PEX7: variants seen among roughly 807,000 people sequenced by gnomAD.
The protein encoded by PEX7 is peroxisomal biogenesis factor 7, also known as PTS2 receptor.
PEX7 carries 34 observed loss-of-function variants against 47.5 expected under a neutral mutation model. The ratio of observed to expected loss-of-function variants is 0.72; its 90% CI spans 0.54 to 0.95. The LOEUF is 0.95. PEX7 is among the 40% of genes least tolerant of loss of function. The pLI is 0.00. For missense variants in PEX7, 394 were observed against 400.3 expected, an observed-to-expected ratio of 0.98 and a Z score of 0.13; for synonymous variants, 141 against 148.8, an observed-to-expected ratio of 0.95 and a Z score of 0.38.
At chr6:136,852,995 G>T (rs1774787714) in intron 5 of PEX7, among the ~76,000 whole-genome samples, 1 of 135,736 alleles carries the variant, frequency 7.4e-6, no homozygotes, top group African/African-American at 2.8e-5. Context: ...AGAGCCCTCA[G>T]AAATAATGCC....
chr6:136,853,978 A>G (rs1774808763), intron 5 of PEX7, among the ~76,000 whole-genome samples: 1 of 152,018 alleles, frequency 6.6e-6, no homozygotes, highest in African/African-American at 2.4e-5. Context: ...TAATATATGA[A>G]GTCTTTTGGG....
Position 136,873,530 on chromosome 6 carries a change from T to C in PEX7, c.803+1277T>C, listed in dbSNP as rs542733872. ...CTGTTTCTCTGCCTTCTAAAGATCA[T>C]TGATTCATTAAGGTTTTCCAGATGT... On this transcript the variant is annotated intron_variant, in intron 8 of 9. Coordinates refer to ENST00000318471, the MANE Select transcript of PEX7 (RefSeq NM_000288.4). 5.9e-4 allele frequency among the ~76,000 whole-genome samples: 90 copies of C among 152,330 alleles called. 2 individuals are homozygous for C. Among genetic ancestry groups the C allele is most frequent in the Non-Finnish European group, 1.3e-4 (9 of 68,008 alleles).
At chr6:136,911,222 T>G (rs1318653545) in intron 9 of PEX7, among the ~76,000 whole-genome samples, 2 of 152,160 alleles carry the variant, frequency 1.3e-5, no homozygotes, top group African/African-American at 4.8e-5. Flanking sequence ...AGATGAGTTT[T>G]GCCTGTCTTA....
At chr6:136,905,274 T>G (rs370570255) in intron 9 of PEX7, among the ~76,000 whole-genome samples, 7 of 152,230 alleles carry the variant, frequency 4.6e-5, no homozygotes, top group African/African-American at 1.7e-4. Flanking sequence ...CATCTTTGCT[T>G]CTTCACTTAT....
intron 9 of PEX7, among the ~76,000 whole-genome samples, chr6:136,899,057 TGTAA>T (rs1177910909): frequency 1.3e-5 from 2 of 150,876 alleles, no homozygotes; most frequent in African/African-American, 2.4e-5. Flanking sequence ...TAAATAAATA[TGTAA>T]GTGTTTTTTT....
intron 3 of PEX7, among the ~76,000 whole-genome samples, chr6:136,832,371 A>G (rs1774310590): frequency 6.6e-6 from 1 of 151,920 alleles, no homozygotes; most frequent in Admixed American, 6.6e-5. Flanking sequence ...CCACAAAACC[A>G]TTTTTCCCTC....
At chr6:136,823,248 C>T in intron 1 of PEX7, 2 of 985,434 alleles carry the variant, frequency 2.0e-6, no homozygotes, top group Non-Finnish European at 2.4e-6. Flanking sequence ...CACTGAGCTG[C>T]GACCTGCGGG....
At chr6:136,871,521 C>G (rs1036101633) in intron 7 of PEX7, among the ~76,000 whole-genome samples, 7 of 151,514 alleles carry the variant, frequency 4.6e-5, no homozygotes, top group African/African-American at 1.5e-4. Flanking sequence ...TACTTAAATC[C>G]CTTATATTTG....
At chr6:136,837,889 A>C (rs1774424300) in intron 3 of PEX7, among the ~76,000 whole-genome samples, 1 of 152,064 alleles carries the variant, frequency 6.6e-6, no homozygotes, top group African/African-American at 2.4e-5. Context: ...AGTTGTGATT[A>C]GGAAAAATGT....
intron 3 of PEX7, among the ~76,000 whole-genome samples, chr6:136,831,023 A>G (rs1474546297): frequency 1.3e-5 from 2 of 152,230 alleles, no homozygotes; most frequent in South Asian, 2.1e-4. Context: ...TAAAAAATGA[A>G]TCAATTATTT....
chr6:136,879,707 A>C (rs191949539), intron 8 of PEX7, among the ~76,000 whole-genome samples: 1,791 of 152,160 alleles, frequency 0.012, 30 homozygotes, highest in African/African-American at 0.04. Context: ...AGTTCTACTT[A>C]ATTGTTTTAT....
chr6:136,849,977 T>G (rs1343245980), intron 5 of PEX7, among the ~76,000 whole-genome samples: 1 of 152,140 alleles, frequency 6.6e-6, no homozygotes, highest in African/African-American at 2.4e-5. Context: ...ATTATTATTG[T>G]GTGGGAGTCT....
At chr6:136,850,352 A>G (rs1379867122) in intron 5 of PEX7, among the ~76,000 whole-genome samples, 1 of 152,062 alleles carries the variant, frequency 6.6e-6, no homozygotes, top group Non-Finnish European at 1.5e-5. Flanking sequence ...CATTTAGCCC[A>G]TTTACATTTA....
chr6:136,882,226 G>T (rs1223454763), intron 8 of PEX7, among the ~76,000 whole-genome samples: 8 of 127,964 alleles, frequency 6.3e-5, no homozygotes, highest in African/African-American at 2.4e-4. Context: ...CACCCAGGCT[G>T]CAGTGCAGTT....
intron 9 of PEX7, among the ~76,000 whole-genome samples, chr6:136,912,350 T>C (rs929576577): frequency 1.3e-5 from 2 of 152,168 alleles, no homozygotes; most frequent in African/African-American, 2.4e-5. Flanking sequence ...GAAAGTGTTA[T>C]ACAGTTTGCT....
intron 8 of PEX7, among the ~76,000 whole-genome samples, chr6:136,891,703 A>G (rs939180555): frequency 3.3e-5 from 5 of 150,246 alleles, no homozygotes; most frequent in Non-Finnish European, 7.4e-5. Context: ...GGCTCACTGC[A>G]GATCACGGTT....
chr6:136,845,739 AG>A (rs750200076), intron 4 of PEX7, 47 bp downstream of exon 4: 197 of 1,126,832 alleles, frequency 1.7e-4, no homozygotes, highest in South Asian at 1.5e-3. Context: ...CCTTCTCTAG[AG>A]CTTCCACTAA....
At chr6:136,839,487 C>T (rs374441337) in intron 3 of PEX7, among the ~76,000 whole-genome samples, 1 of 152,078 alleles carries the variant, frequency 6.6e-6, no homozygotes, top group Admixed American at 6.6e-5. Flanking sequence ...AAACATTGTG[C>T]GGTGGGTTTT....
intron 8 of PEX7, among the ~76,000 whole-genome samples, chr6:136,887,657 T>C (rs1156800686): frequency 6.6e-6 from 1 of 152,194 alleles, no homozygotes; most frequent in Non-Finnish European, 1.5e-5. Context: ...TAGCAGTTGG[T>C]AAACTAGACA....
Sources: gnomAD v4.1 joint callset for allele counts (sites outside exome capture counted in the v4.1 genomes callset) on GRCh38, gnomAD v4.1.1 for gene constraint, MANE v1.5 for transcripts, NCBI Gene and HGNC (gene_info 2026-07-23, HGNC 2026-07-21) for gene names.